The following ZSCAN23 variants were observed in gnomAD, a reference collection of about 807,000 sequenced individuals.
ZSCAN23 encodes zinc finger and SCAN domain-containing protein 23.
ZSCAN23 carries 19 observed loss-of-function variants against 19.3 expected under a neutral mutation model. The ratio of observed to expected loss-of-function variants is 0.99; its 90% confidence interval spans 0.69 to 1.45. ZSCAN23 has a LOEUF of 1.45. Ranked by LOEUF, ZSCAN23 falls within the 40% of genes most tolerant of loss-of-function variation. ZSCAN23 has a pLI of 0.00. For missense variants in ZSCAN23, 372 were observed against 462.5 expected (o/e 0.80, Z 1.79); for synonymous variants, 140 against 166.2 (o/e 0.84, Z 1.21).
At position 28,434,445 on chromosome 6, in the gene ZSCAN23, C is replaced by A. The variant is rs771940239; in HGVS notation, c.*20G>T. On this transcript the variant is annotated 3_prime_UTR_variant, in exon 4 of 4. Transcript: ENST00000289788. ...GCAGGGACAAAGTAAGAAATATTAT[C>A]CCCTACCTGTTCCAAGGAGCTAGCT... The A allele has an allele frequency of 9.3e-6, 14 of 1,513,476 alleles. No homozygotes were observed. The African/African-American group carries it at 1.2e-4, about 13-fold the overall frequency. The allele number at this position is 1,513,476 out of a possible 1,614,324, so 93.8% of individuals were successfully genotyped here.
Position 28,434,619 on chromosome 6 carries a change from T to C in ZSCAN23, c.1016A>G (p.Asn339Ser), listed in dbSNP as rs747939975. ...GACTGAACGTCGACTAAAACTCTTATTGCACTGATTGCACTGGTAAGGCTT... is the reference window on the plus strand; with the variant it reads ...GACTGAACGTCGACTAAAACTCTTACTGCACTGATTGCACTGGTAAGGCTT... The part of the protein sequence containing the change: ...GEKPYQCNQC[N>S]KSFSRRSVLI... The change falls in exon 4 of 4, where the codon AAT (asparagine) becomes AGT (serine). Residue 339 changes from asparagine (N) to serine (S), a missense_variant. Transcript: ENST00000289788. 2.2e-5 allele frequency: 35 copies of C among 1,557,632 alleles called. No individual in the cohort carries two copies. Among genetic ancestry groups the C allele is most frequent in the Non-Finnish European group, 2.9e-5 (33 of 1,150,638 alleles).
chr6:28,427,257 A>C (rs1761675195), downstream of ZSCAN23, among the ~76,000 whole-genome samples: 1 of 152,208 alleles, frequency 6.6e-6, no homozygotes, highest in Non-Finnish European at 1.5e-5. Context: ...TAACACTGCT[A>C]ACTACTCCCA....
chr6:28,437,673 A>G lies in ZSCAN23; in HGVS notation c.-77-1330T>C, dbSNP rs187807672. ...AAAATTTTCTGAAAGAAAAACAATT[A>G]TATGACCCAGTGATTTCTAAGCACC... is the stretch of plus-strand genomic sequence containing the variant. On this transcript the variant is annotated intron_variant, in intron 1 of 3. Coordinates refer to ENST00000289788, the MANE Select transcript of ZSCAN23 (RefSeq NM_001012455.2). Among the ~76,000 whole-genome samples the G allele has an allele frequency of 2.6e-5, 4 of 152,342 alleles. No homozygotes were observed. In the East Asian group the frequency reaches 5.8e-4, roughly 22 times the overall value.
In ZSCAN23 at chr6:28,436,250, G is replaced by C. The variant is rs1404951660; in HGVS notation, c.17C>G (p.Thr6Ser). Residue 6 changes from threonine to serine, a missense_variant, in exon 2 of 4, where the codon ACC (threonine) becomes AGC (serine). Coordinates refer to ENST00000289788, the MANE Select transcript of ZSCAN23 (RefSeq NM_001012455.2). The part of the protein sequence containing the change: MAITL[T>S]LQTAEMQEGL... ...TTCCTGCATCTCTGCAGTCTGAAGG[G>C]TCAAGGTTATGGCCATCAAAGGTTT... 1.3e-6 allele frequency: 2 copies of C among 1,549,162 alleles called. No homozygotes were observed. The highest frequency in any genetic ancestry group is 1.7e-6 in the Non-Finnish European group (2 of 1,145,504).
At chr6:28,435,835 A>ATCCCTGTTC in intron 2 of ZSCAN23, 24 bp downstream of exon 2, 1 of 1,542,590 alleles carries the variant, frequency 6.5e-7, no homozygotes, top group Non-Finnish European at 8.7e-7. Context: ...ATAGGTACAA[A>ATCCCTGTTC]TCCCTGTTCT....
chr6:28,436,313 CCTTG>C lies in ZSCAN23; in HGVS notation c.-51_-48del. On this transcript the variant is annotated 5_prime_UTR_variant, in exon 2 of 4. It adds an upstream start codon to the 5' untranslated region. Coordinates refer to ENST00000289788, the MANE Select transcript of ZSCAN23 (RefSeq NM_001012455.2). ...AAATAATCTATTCTTGATAATTCTC[CCTTG>C]ATCTTTTCTTCTGGAAACCCCGAGA... 1 of 1,445,012 alleles carries C rather than the reference CCTTG, an allele frequency of 6.9e-7. No homozygotes were observed. The highest frequency in any genetic ancestry group is 9.1e-7 in the Non-Finnish European group (1 of 1,095,470). The allele number at this position is 1,445,012 out of a possible 1,614,324, so 89.5% of individuals were successfully genotyped here. A position where few individuals can be genotyped will look rare whatever the true frequency, so the allele number is the denominator to read the frequency against.
chr6:28,435,725 G>T, intron 2 of ZSCAN23, 118 bp from the exon 3 acceptor site: 1 of 1,426,484 alleles, frequency 7.0e-7, no homozygotes. Context: ...AAAAACAGAG[G>T]CAGAGAGACT....
chr6:28,438,141 G>A (rs1761930341), intron 1 of ZSCAN23, among the ~76,000 whole-genome samples: 1 of 151,820 alleles, frequency 6.6e-6, no homozygotes, highest in Non-Finnish European at 1.5e-5. Flanking sequence ...CTGTTGCCCA[G>A]GCTGGAGTAC....
At chr6:28,427,526 C>T (rs1224923465), downstream of ZSCAN23, among the ~76,000 whole-genome samples, 2 of 152,182 alleles carry the variant, frequency 1.3e-5, no homozygotes, top group African/African-American at 2.4e-5. Context: ...CAAACCTGTA[C>T]AGCACGTTTC....
At chr6:28,439,524 T>A (rs971292069) in intron 1 of ZSCAN23, among the ~76,000 whole-genome samples, 3 of 152,354 alleles carry the variant, frequency 2.0e-5, no homozygotes, top group Admixed American at 2.0e-4. Context: ...ATTCAGAGCC[T>A]ACCATATTCC....
rs1002851910 is a variant in ZSCAN23 at position 28,433,162 on chromosome 6, G to T, written c.*1303C>A. 6.6e-6 allele frequency: 1 copy of T among 152,068 alleles called. No homozygotes were observed. Among genetic ancestry groups the T allele is most frequent in the African/African-American group, 2.4e-5 (1 of 41,418 alleles). 9.4% of individuals were successfully genotyped at this position (152,068 alleles called of 1,614,324 possible). A position where few individuals can be genotyped will look rare whatever the true frequency, so the allele number is the denominator to read the frequency against. ...TTGTGCTTTATTGAAACATATAAAT[G>T]GGTGGGTTTGTTGAGCAACTTCAGT... On this transcript the variant is annotated 3_prime_UTR_variant, in exon 4 of 4. Coordinates refer to ENST00000289788, the MANE Select transcript of ZSCAN23 (RefSeq NM_001012455.2).
At chr6:28,428,172 C>T (rs1052009029), downstream of ZSCAN23, among the ~76,000 whole-genome samples, 1 of 152,206 alleles carries the variant, frequency 6.6e-6, no homozygotes. Context: ...TCAGCTTTCA[C>T]CTGAAAACTC....
chr6:28,426,139 T>G, the ZSCAN23 span, among the ~76,000 whole-genome samples: 2 of 152,262 alleles, frequency 1.3e-5, no homozygotes, highest in African/African-American at 4.8e-5. Context: ...TGTTTTGGTT[T>G]CTTATCACTC....
chr6:28,435,536 T>C lies in ZSCAN23; in HGVS notation c.480A>G (p.Ser160=), dbSNP rs751408117. The C allele has an allele frequency of 2.3e-5, 35 of 1,551,860 alleles. 1 individual carries two copies. The South Asian group carries it at 2.5e-4, about 11-fold the overall frequency. Residue 160 remains serine (S), a synonymous_variant, in exon 3 of 4, where the codon TCA becomes TCG. Coordinates refer to ENST00000289788, the MANE Select transcript of ZSCAN23 (RefSeq NM_001012455.2). The stretch of plus-strand genomic sequence containing the variant: ...CCAAGGTTTGGAATTGGTCATTTGA[T>C]GACTCCTGAGCTGCTCCTGGAGTTG... ...EKATPGAAQE[S]SNDQFQTLEE...
chr6:28,437,943 T>C (rs1027559368), intron 1 of ZSCAN23, among the ~76,000 whole-genome samples: 6 of 151,958 alleles, frequency 3.9e-5, no homozygotes, highest in African/African-American at 1.2e-4. Context: ...TTTTGTGGGT[T>C]ATAAAATCTA....
At chr6:28,425,962 G>A in the ZSCAN23 span, among the ~76,000 whole-genome samples, 92 of 152,288 alleles carry the variant, frequency 6.0e-4, no homozygotes, top group Middle Eastern at 6.8e-3. Context: ...AGCAACCTCT[G>A]CTAGCTTCTA....
chr6:28,439,461 A>ACAC (rs1398616051), intron 1 of ZSCAN23, among the ~76,000 whole-genome samples: 1 of 152,064 alleles, frequency 6.6e-6, no homozygotes, highest in Non-Finnish European at 1.5e-5. Flanking sequence ...AACTTTTCAT[A>ACAC]CACCATTCAT....
Position 28,434,741 on chromosome 6 carries a change from G to C in ZSCAN23, c.894C>G (p.Leu298=), listed in dbSNP as rs1481297257. 1.9e-6 allele frequency: 3 copies of C among 1,602,504 alleles called. No homozygotes were observed. The East Asian group carries it at 6.8e-5, about 36-fold the overall frequency. The change falls in exon 4 of 4, where the codon CTC becomes CTG. Residue 298 remains leucine, a synonymous_variant. Transcript: ENST00000289788. ...ACTGGTAGCGCTTCTCCCCAGTGTG[G>C]AGTCTCTGGTGCTGGAATAGGCCTG... The part of the protein sequence containing the change: ...QRSGLFQHQR[L]HTGEKRYQCS...
At chr6:28,431,740 G>A (rs1761764621), downstream of ZSCAN23, among the ~76,000 whole-genome samples, 1 of 152,168 alleles carries the variant, frequency 6.6e-6, no homozygotes, top group African/African-American at 2.4e-5. Flanking sequence ...GGAGTAAAAG[G>A]CAGTGAGATT....
Sources: allele counts gnomAD v4.1 joint callset (sites outside exome capture counted in the v4.1 genomes callset), GRCh38; gene constraint gnomAD v4.1.1; transcripts MANE v1.5; gene names NCBI Gene and HGNC (gene_info 2026-07-23, HGNC 2026-07-21).